The following DGKB variants were observed in gnomAD, a reference collection of about 807,000 sequenced individuals.
DGKB encodes diacylglycerol kinase beta.
In DGKB, 67 loss-of-function variants were observed where a neutral mutation model predicts 114.3. The observed-to-expected ratio is 0.59, with a 90% CI of 0.48 to 0.72. DGKB has a LOEUF of 0.72. DGKB is among the 30% of genes least tolerant of loss of function. DGKB has a pLI of 0.00. For missense variants in DGKB, 907 were observed against 975.2 expected (o/e 0.93, Z 0.93); for synonymous variants, 398 against 323.1 (o/e 1.23, Z -2.49).
chr7:14,584,973 T>C (rs1270487877), intron 17 of DGKB, among the ~76,000 whole-genome samples: 1 of 152,132 alleles, frequency 6.6e-6, no homozygotes, highest in Non-Finnish European at 1.5e-5. Flanking sequence ...TGTCTTTTAA[T>C]AATACTTTAA....
intron 16 of DGKB, among the ~76,000 whole-genome samples, chr7:14,609,771 T>C (rs1563668662): frequency 1.3e-5 from 2 of 152,004 alleles, no homozygotes; most frequent in Non-Finnish European, 2.9e-5. Flanking sequence ...TATGAAAACA[T>C]GCTTATCATC....
chr7:14,616,227 C>T (rs980008623), intron 15 of DGKB, among the ~76,000 whole-genome samples: 64 of 146,900 alleles, frequency 4.4e-4, no homozygotes, highest in African/African-American at 1.6e-3. Context: ...TACATATATA[C>T]ATATATATAT....
intron 20 of DGKB, among the ~76,000 whole-genome samples, chr7:14,502,957 A>G (rs1317753343): frequency 6.6e-6 from 1 of 152,108 alleles, no homozygotes; most frequent in East Asian, 1.9e-4. Context: ...TACTTACAGA[A>G]AACTGGAATC....
At chr7:14,176,488 T>A in intron 25 of DGKB, 9 of 1,003,998 alleles carry the variant, frequency 9.0e-6, no homozygotes, top group Non-Finnish European at 1.1e-5. Flanking sequence ...TTGCAAATAA[T>A]ATTCTAATAA....
In DGKB at chr7:14,682,643, A is replaced by G; in HGVS notation, c.945T>C (p.Gly315=). The part of the protein sequence containing the change: ...TDVMHHYWVE[G]NCPTKCDKCH... ...ACTTATCACACTTGGTTGGGCAGTT[A>G]CCTTCAACCCAGTAATGGTGCATGA... Residue 315 remains glycine, a synonymous_variant, in exon 12 of 26, where the codon GGT becomes GGC. Coordinates refer to ENST00000402815, the MANE Select transcript of DGKB (RefSeq NM_001350709.2). 6.2e-7 allele frequency: 1 copy of G among 1,613,496 alleles called. No homozygotes were observed. The highest frequency in any genetic ancestry group is 1.7e-4 in the Middle Eastern group (1 of 6,056).
chr7:14,640,572 G>A (rs771218926), intron 13 of DGKB, among the ~76,000 whole-genome samples: 10 of 152,158 alleles, frequency 6.6e-5, no homozygotes, highest in Non-Finnish European at 1.2e-4. Flanking sequence ...ACAGCAAGGA[G>A]TGGTCATGGA....
intron 1 of DGKB, among the ~76,000 whole-genome samples, chr7:14,844,854 C>G (rs1316080850): frequency 1.3e-5 from 2 of 152,056 alleles, no homozygotes; most frequent in Non-Finnish European, 2.9e-5. Context: ...AGCCTGTAAT[C>G]CCAGCACTTT....
chr7:14,149,386 T>C (rs890691245), intron 25 of DGKB, 148 bp from the exon 26 acceptor site: 1 of 603,574 alleles, frequency 1.7e-6, no homozygotes, highest in Non-Finnish European at 2.8e-6. Flanking sequence ...TCAGAGTTTC[T>C]ATTATTTCAA....
intron 2 of DGKB, among the ~76,000 whole-genome samples, chr7:14,825,107 T>C (rs550769402): frequency 2.1e-5 from 3 of 145,674 alleles, no homozygotes; most frequent in Non-Finnish European, 4.5e-5. Context: ...TTATCAATAC[T>C]GTTGTTCTAT....
intron 23 of DGKB, among the ~76,000 whole-genome samples, chr7:14,187,028 A>G (rs1430241953): frequency 6.6e-6 from 1 of 152,228 alleles, no homozygotes; most frequent in Non-Finnish European, 1.5e-5. Flanking sequence ...AAATAAATAA[A>G]TAAATAAATA....
intron 2 of DGKB, among the ~76,000 whole-genome samples, chr7:14,790,655 G>A (rs942728396): frequency 1.3e-5 from 2 of 152,154 alleles, no homozygotes; most frequent in African/African-American, 2.4e-5. Flanking sequence ...CTCTGTCATT[G>A]TTGATCTATG....
At chr7:14,556,537 T>A (rs1315469763) in intron 20 of DGKB, among the ~76,000 whole-genome samples, 1 of 152,102 alleles carries the variant, frequency 6.6e-6, no homozygotes, top group Non-Finnish European at 1.5e-5. Flanking sequence ...TTGGAATGCA[T>A]CCCCTATGCC....
chr7:14,718,087 G>C (rs776633614), intron 6 of DGKB, among the ~76,000 whole-genome samples: 15 of 152,270 alleles, frequency 9.9e-5, no homozygotes, highest in Non-Finnish European at 1.8e-4. Flanking sequence ...GGAATAATGT[G>C]TCTCTGCCAA....
intron 23 of DGKB, among the ~76,000 whole-genome samples, chr7:14,277,054 G>A (rs547843398): frequency 6.6e-6 from 1 of 152,076 alleles, no homozygotes; most frequent in African/African-American, 2.4e-5. Flanking sequence ...ACTCTACTGT[G>A]CAATAGATCT....
At chr7:14,195,857 G>A (rs1214076505) in intron 23 of DGKB, among the ~76,000 whole-genome samples, 1 of 152,132 alleles carries the variant, frequency 6.6e-6, no homozygotes, top group Non-Finnish European at 1.5e-5. Context: ...TTGCATGTAA[G>A]TCTTACGTGC....
chr7:14,877,740 A>C (rs1418463619), intron 1 of DGKB, among the ~76,000 whole-genome samples: 1 of 152,208 alleles, frequency 6.6e-6, no homozygotes, highest in Non-Finnish European at 1.5e-5. Context: ...TTATTTACCA[A>C]GTTGACTTCA....
At chr7:14,176,661 A>G (rs1320095156) in intron 25 of DGKB, 178 bp downstream of exon 25, 18 of 1,381,612 alleles carry the variant, frequency 1.3e-5, no homozygotes, top group Admixed American at 3.1e-5. Context: ...TGCCAAGGGT[A>G]TATAATGTCT....
At chr7:14,872,412 G>A (rs991924224) in intron 1 of DGKB, among the ~76,000 whole-genome samples, 1 of 152,158 alleles carries the variant, frequency 6.6e-6, no homozygotes, top group African/African-American at 2.4e-5. Flanking sequence ...GTTGGCATAT[G>A]TGATGAAAAC....
In DGKB at chr7:14,471,208, GTA is replaced by G. The variant is rs1563257556; in HGVS notation, c.1835+6951_1835+6952del. ...ATATACATATATGTATGGAATATAT[GTA>G]TATATACATATATATGTATGGAATA... On this transcript the variant is annotated intron_variant, in intron 21 of 25. Coordinates refer to ENST00000402815, the MANE Select transcript of DGKB (RefSeq NM_001350709.2). Among the ~76,000 whole-genome samples, 50 of 138,798 alleles carry G rather than the reference GTA, an allele frequency of 3.6e-4. 3 individuals carry two copies. Among genetic ancestry groups the G allele is most frequent in the African/African-American group, 1.3e-3 (48 of 35,598 alleles). 91.1% of individuals were successfully genotyped at this position (138,798 alleles called of 152,430 possible).
Sources: gnomAD v4.1 joint callset for allele counts (sites outside exome capture counted in the v4.1 genomes callset) on GRCh38, gnomAD v4.1.1 for gene constraint, MANE v1.5 for transcripts, NCBI Gene and HGNC (gene_info 2026-07-23, HGNC 2026-07-21) for gene names.